The following CBFA2T3 variants were observed in gnomAD, a reference collection of about 807,000 sequenced individuals.
CBFA2T3 encodes CBFA2/RUNX1 partner transcriptional co-repressor 3.
Under a neutral mutation model 58.6 loss-of-function variants are expected in CBFA2T3, and 31 were observed. That is an observed-to-expected ratio of 0.53 (90% confidence interval 0.40 to 0.71). The LOEUF is 0.71. Among genes scored for constraint, CBFA2T3 ranks in the 30% least tolerant of loss-of-function variants. CBFA2T3 has a pLI of 0.00. For missense variants in CBFA2T3, 1,076 were observed against 963.1 expected (o/e 1.12, Z -1.55); for synonymous variants, 531 against 421.9 (o/e 1.26, Z -3.17).
At chr16:88,971,102 A>G (rs1292413669) in intron 1 of CBFA2T3, among the ~76,000 whole-genome samples, 3 of 151,656 alleles carry the variant, frequency 2.0e-5, no homozygotes, top group East Asian at 3.9e-4. Context: ...ACGTGTTTTC[A>G]TCAACTCAAT....
chr16:88,878,715 G>A (rs1281558092), intron 11 of CBFA2T3, among the ~76,000 whole-genome samples: 1 of 152,232 alleles, frequency 6.6e-6, no homozygotes, highest in Admixed American at 6.5e-5. Flanking sequence ...GGATGCCGAG[G>A]CGGGTGGATC....
Position 88,921,860 on chromosome 16 carries a change from C to T in CBFA2T3, c.152-20204G>A, listed in dbSNP as rs146150831. Among the ~76,000 whole-genome samples, 414 of 152,342 alleles carry T rather than the reference C, an allele frequency of 2.7e-3. 2 individuals are homozygous for T. Among genetic ancestry groups the T allele is most frequent in the Middle Eastern group, 0.024 (7 of 294 alleles). ...CCTTCGTGGTAATGACACAGTTTCT[C>T]GTTCGCTTGCTTCATTAAATGTCTA... is the stretch of plus-strand genomic sequence containing the variant. On this transcript the variant is annotated intron_variant, in intron 1 of 11. Transcript: ENST00000268679.
In CBFA2T3 at chr16:88,976,681, G is replaced by A. The variant is rs749521037; in HGVS notation, c.127C>T (p.Arg43Trp). 50 of 1,562,822 alleles carry A rather than the reference G, an allele frequency of 3.2e-5. No individual in the cohort carries two copies. The highest frequency in any genetic ancestry group is 3.8e-5 in the Non-Finnish European group (44 of 1,153,590). ...CCTGGGCCGCCCTTCCTGGGACCCC[G>A]GGGTGCGGAGCAGCCGGCAGATGCC... The part of the protein sequence containing the change: ...LLASAGCSAP[R>W]GPRKGGPAPV... Residue 43 changes from arginine to tryptophan, a missense_variant, in exon 1 of 12, where the codon CGG becomes TGG. Transcript: ENST00000268679.
chr16:88,887,642 C>G (rs1269869674), intron 5 of CBFA2T3, among the ~76,000 whole-genome samples: 1 of 152,148 alleles, frequency 6.6e-6, no homozygotes, highest in Non-Finnish European at 1.5e-5. Context: ...TCCTCAAGGC[C>G]TGCGGAATGG....
At chr16:88,924,680 C>T (rs1971029787) in intron 1 of CBFA2T3, among the ~76,000 whole-genome samples, 1 of 152,224 alleles carries the variant, frequency 6.6e-6, no homozygotes, top group African/African-American at 2.4e-5. Context: ...CATGAGGTCA[C>T]TCTCGTCAGA....
rs377650122 is a variant in CBFA2T3, at chr16:88,894,010, G to A, written c.380-1525C>T. Among the ~76,000 whole-genome samples the A allele has an allele frequency of 2.6e-4, 40 of 152,240 alleles. No homozygotes were observed. The East Asian group carries it at 7.7e-3, about 29-fold the overall frequency. ...TCCTGGCCAGCTCCTTCTGTCAGGA[G>A]GACTGAAGCCCCGCACACACTCACG... On this transcript the variant is annotated intron_variant, in intron 3 of 11. Transcript: ENST00000268679.
At chr16:88,901,464 G>A in intron 2 of CBFA2T3, 40 bp downstream of exon 2, 1 of 1,219,566 alleles carries the variant, frequency 8.2e-7, no homozygotes. Flanking sequence ...GGCCTCCCCT[G>A]AAACACCTGG....
chr16:88,909,797 G>T (rs151062089), intron 1 of CBFA2T3, among the ~76,000 whole-genome samples: 1 of 152,336 alleles, frequency 6.6e-6, no homozygotes, highest in Non-Finnish European at 1.5e-5. Flanking sequence ...GAGGTCACTG[G>T]CCACGGCCGT....
At chr16:88,956,905 A>G (rs1972233562) in intron 1 of CBFA2T3, among the ~76,000 whole-genome samples, 1 of 152,202 alleles carries the variant, frequency 6.6e-6, no homozygotes, top group Admixed American at 6.5e-5. Flanking sequence ...GGCACCCTCC[A>G]GTCCACACTG....
chr16:88,876,277 G>A lies in CBFA2T3; in HGVS notation c.*699C>T, dbSNP rs1279514225. On this transcript the variant is annotated 3_prime_UTR_variant, in exon 12 of 12. Coordinates refer to ENST00000268679, the MANE Select transcript of CBFA2T3 (RefSeq NM_005187.6). Reference sequence around the variant, plus strand: ...TTGGATTTTTACTTAAAGCCAAAGAGTTTAACATTACAGGAAAAAAAAATC... The same window carrying A: ...TTGGATTTTTACTTAAAGCCAAAGAATTTAACATTACAGGAAAAAAAAATC... 2 of 228,222 alleles carry A rather than the reference G, an allele frequency of 8.8e-6. No homozygotes were observed. The highest frequency in any genetic ancestry group is 4.4e-5 in the African/African-American group (2 of 44,980). The allele number at this position is 228,222 out of a possible 1,614,324, so 14.1% of individuals were successfully genotyped here.
At chr16:88,882,522 TTG>T (rs1418806606) in intron 8 of CBFA2T3, among the ~76,000 whole-genome samples, 152 bp downstream of exon 8, 7 of 137,448 alleles carry the variant, frequency 5.1e-5, no homozygotes, top group South Asian at 4.8e-4. Flanking sequence ...TGGGCGTGGC[TTG>T]TGTGGGCATG....
chr16:88,958,843 G>A lies in CBFA2T3; in HGVS notation c.151+17814C>T, dbSNP rs976581899. Among the ~76,000 whole-genome samples the A allele has an allele frequency of 1.3e-5, 2 of 152,138 alleles. No individual in the cohort carries two copies. The highest frequency in any genetic ancestry group is 4.8e-5 in the African/African-American group (2 of 41,434). ...CCCGTGGGCAGCTCTCACACCACAG[G>A]CCTGGCTCCCTAGGGGTATGGTCAG... On this transcript the variant is annotated intron_variant, in intron 1 of 11. Transcript: ENST00000268679. The surrounding 1 kb of genome is among the most constrained non-coding windows in gnomAD (Gnocchi z 4.0).
At position 88,924,787 on chromosome 16, in the gene CBFA2T3, G is replaced by T. The variant is rs919248915; in HGVS notation, c.152-23131C>A. Among the ~76,000 whole-genome samples, 11 of 152,356 alleles carry T rather than the reference G, an allele frequency of 7.2e-5. No individual in the cohort carries two copies. In the East Asian group the frequency reaches 9.7e-4, roughly 13 times the overall value. On this transcript the variant is annotated intron_variant, in intron 1 of 11. Transcript: ENST00000268679. ...GGCACTGGGGGCCAAGCAGGTGCAG[G>T]AAACCACCTGTTGAATTTAGACCCA...
In CBFA2T3 at chr16:88,890,499, G is replaced by A. The variant is rs139984027; in HGVS notation, c.711+1383C>T. Among the ~76,000 whole-genome samples, 394 of 152,278 alleles carry A rather than the reference G, an allele frequency of 2.6e-3. 1 individual carries two copies. The highest frequency in any genetic ancestry group is 8.8e-3 in the African/African-American group (366 of 41,548). ...CTGGCAGCTCCCAACTAAGCTCCACGGAACCCTGACCCCAACACGTGCTCG... is the reference window on the plus strand; with the variant it reads ...CTGGCAGCTCCCAACTAAGCTCCACAGAACCCTGACCCCAACACGTGCTCG... On this transcript the variant is annotated intron_variant, in intron 5 of 11. Coordinates refer to ENST00000268679, the MANE Select transcript of CBFA2T3 (RefSeq NM_005187.6).
At chr16:88,913,221 C>A (rs754587332) in intron 1 of CBFA2T3, among the ~76,000 whole-genome samples, 1 of 152,256 alleles carries the variant, frequency 6.6e-6, no homozygotes, top group Non-Finnish European at 1.5e-5. Flanking sequence ...GGAGCCCCCA[C>A]GTGAACACGC....
chr16:88,950,524 G>A (rs1322108012), intron 1 of CBFA2T3: 8 of 425,748 alleles, frequency 1.9e-5, no homozygotes, highest in East Asian at 1.5e-4. Context: ...CCTGTCTTCC[G>A]GGTCAGTTCA....
intron 1 of CBFA2T3, among the ~76,000 whole-genome samples, chr16:88,929,738 C>T (rs1032984210): frequency 2.0e-5 from 3 of 151,478 alleles, no homozygotes; most frequent in African/African-American, 2.4e-5. Flanking sequence ...GCGTGGTCCA[C>T]GCAAAAGCTA....
chr16:88,894,238 GCATA>G (rs1355652066), intron 3 of CBFA2T3, among the ~76,000 whole-genome samples: 2 of 67,526 alleles, frequency 3.0e-5, no homozygotes, highest in Non-Finnish European at 5.6e-5. Flanking sequence ...ACACACACAT[GCATA>G]CATATACACA....
intron 5 of CBFA2T3, among the ~76,000 whole-genome samples, chr16:88,889,136 C>T (rs993177096): frequency 4.0e-5 from 6 of 151,466 alleles, no homozygotes; most frequent in Admixed American, 6.6e-5. Flanking sequence ...GGGTGGAGTC[C>T]GCAGCAAGTT....
Sources: allele counts gnomAD v4.1 joint callset (sites outside exome capture counted in the v4.1 genomes callset), GRCh38; gene constraint gnomAD v4.1.1; non-coding constraint Gnocchi (gnomAD v3.1); transcripts MANE v1.5; gene names NCBI Gene and HGNC (gene_info 2026-07-23, HGNC 2026-07-21).